Variants in HDAC5 observed in about 807,000 individuals in gnomAD.
The protein encoded by HDAC5 is antigen NY-CO-9.
Under a neutral mutation model 133.3 loss-of-function variants are expected in HDAC5, and 25 were observed. That is an observed-to-expected ratio of 0.19 (90% CI 0.14 to 0.26). The LOEUF (loss-of-function observed/expected upper bound fraction) is 0.26. HDAC5 is among the 10% of genes least tolerant of loss of function. The pLI is 1.00. For synonymous variants in HDAC5, 589 were observed against 610.8 expected (o/e 0.96, Z 0.53); for missense variants, 1,041 against 1,460.5 (o/e 0.71, Z 4.68).
rs752650577 is a variant in HDAC5 at position 44,078,504 on chromosome 17, G to A, written c.3325C>T (p.Pro1109Ser). The change falls in exon 26 of 27, where the codon CCC becomes TCC. Residue 1109 changes from proline (P) to serine (S), a missense_variant. Transcript: ENST00000682912. ...AQAAAAREHS[P>S]RPAEEPMEQE... Reference sequence around the variant, plus strand: ...GTGGTGCGGGTTGCTGCTTACCTGGGGCTGTGTTCCCGGGCTGCCGCAGCC... The same window carrying A: ...GTGGTGCGGGTTGCTGCTTACCTGGAGCTGTGTTCCCGGGCTGCCGCAGCC... 3.7e-6 allele frequency: 6 copies of A among 1,607,208 alleles called. No homozygotes were observed. The African/African-American group carries it at 5.3e-5, about 14-fold the overall frequency.
intron 3 of HDAC5, among the ~76,000 whole-genome samples, chr17:44,108,763 A>AC (rs2052143311): frequency 3.7e-5 from 1 of 27,000 alleles, no homozygotes; most frequent in African/African-American, 6.0e-5. Context: ...AAAAAAAAAC[A>AC]AAAAAAAAAC....
At chr17:44,098,242 C>G (rs2051385526) in intron 3 of HDAC5, among the ~76,000 whole-genome samples, 2 of 152,240 alleles carry the variant, frequency 1.3e-5, no homozygotes, top group African/African-American at 2.4e-5. Flanking sequence ...TCTGTGCCCT[C>G]TGCCAGCCTG....
chr17:44,088,001 G>A (rs1306467669), intron 12 of HDAC5, among the ~76,000 whole-genome samples: 1 of 151,750 alleles, frequency 6.6e-6, no homozygotes, highest in African/African-American at 2.4e-5. Context: ...ACGCCACCAC[G>A]CCCAGCTAAT....
rs1181717908 is a variant in HDAC5 at position 44,088,395 on chromosome 17, G to A, written c.1591C>T (p.Leu531=). 5.2e-6 allele frequency: 8 copies of A among 1,551,530 alleles called. No homozygotes were observed. The highest frequency in any genetic ancestry group is 7.0e-6 in the Non-Finnish European group (8 of 1,148,412). ...CACCTTTCCAGGCTCACCTTGCCCA[G>A]CTGTAGCTGCTGCTGCTTCTGCTTC... ...LEKQKQQQLQ[L]GKILTKTGEL... The change falls in exon 12 of 27, where the codon CTG becomes TTG. Residue 531 remains leucine, a synonymous_variant. Coordinates refer to ENST00000682912, the MANE Select transcript of HDAC5 (RefSeq NM_005474.5).
intron 6 of HDAC5, 30 bp from the exon 7 acceptor site, chr17:44,092,836 C>T: frequency 1.2e-6 from 1 of 849,986 alleles, no homozygotes; most frequent in Non-Finnish European, 1.8e-6. Flanking sequence ...GGGATGGAAG[C>T]AGATCTAGGT....
chr17:44,080,889 G>C lies in HDAC5; in HGVS notation c.2608-7C>G. ...CATTGCCATGGTGAATGTCCTATGA[G>C]GGGAGGTAGAAGCATCGGGAAAATG... On this transcript the variant is annotated splice_region_variant and splice_polypyrimidine_tract_variant and intron_variant, in intron 20 of 26. Transcript: ENST00000682912. 6.2e-7 allele frequency: 1 copy of C among 1,614,148 alleles called. No individual in the cohort carries two copies. Among genetic ancestry groups the C allele is most frequent in the Non-Finnish European group, 8.5e-7 (1 of 1,179,994 alleles).
At chr17:44,123,413 G>GC (rs1282365303) in intron 1 of HDAC5, 91 bp downstream of exon 1, 3 of 351,720 alleles carry the variant, frequency 8.5e-6, no homozygotes, top group Non-Finnish European at 1.5e-5. Flanking sequence ...CGCGCTGGGA[G>GC]CCCGCGGACA....
chr17:44,120,588 C>T (rs1159784904), intron 1 of HDAC5: 1 of 152,176 alleles, frequency 6.6e-6, no homozygotes. Context: ...TAAAAAAATA[C>T]AAAATTGGCC....
chr17:44,115,254 CAA>C (rs1356786959), intron 2 of HDAC5, among the ~76,000 whole-genome samples: 1 of 152,194 alleles, frequency 6.6e-6, no homozygotes, highest in Non-Finnish European at 1.5e-5. Context: ...GAAAGAGGAG[CAA>C]GTGTTCAGGG....
At chr17:44,081,474 A>T (rs2143042621) in intron 20 of HDAC5, 1 of 151,856 alleles carries the variant, frequency 6.6e-6, no homozygotes, top group East Asian at 1.9e-4. Context: ...GCTGGTCTCA[A>T]ACTCCTGACC....
At chr17:44,079,023 G>A (rs1199580305) in intron 24 of HDAC5, 121 bp downstream of exon 24, 4 of 1,500,374 alleles carry the variant, frequency 2.7e-6, no homozygotes, top group South Asian at 1.2e-5. Context: ...AGAAAGCCTG[G>A]CCATTAGCTG....
intron 1 of HDAC5, among the ~76,000 whole-genome samples, chr17:44,118,302 A>C (rs2143648080): frequency 6.6e-6 from 1 of 152,332 alleles, no homozygotes; most frequent in South Asian, 2.1e-4. Flanking sequence ...AGACCTCTCC[A>C]TCCCAAATCT....
intron 24 of HDAC5, 111 bp downstream of exon 24, chr17:44,079,033 G>A (rs2050253190): frequency 2.0e-6 from 3 of 1,511,748 alleles, no homozygotes; most frequent in Middle Eastern, 3.5e-4. Flanking sequence ...GCCATTAGCT[G>A]TTCCTTAGGA....
chr17:44,102,614 CT>C (rs2051682204), intron 3 of HDAC5, among the ~76,000 whole-genome samples: 1 of 151,886 alleles, frequency 6.6e-6, no homozygotes, highest in Non-Finnish European at 1.5e-5. Context: ...CTGCCTCGGC[CT>C]CCCAAAGTGT....
chr17:44,108,269 G>A (rs1045010438), intron 3 of HDAC5, among the ~76,000 whole-genome samples: 3 of 152,132 alleles, frequency 2.0e-5, no homozygotes, highest in African/African-American at 7.2e-5. Context: ...CACTAAAGCT[G>A]TCTCTATTCA....
At chr17:44,087,359 G>A in intron 13 of HDAC5, 53 bp downstream of exon 13, 1 of 721,634 alleles carries the variant, frequency 1.4e-6, no homozygotes, top group Non-Finnish European at 2.6e-6. Flanking sequence ...AGGCAGGGGT[G>A]GAGAAGGACA....
At chr17:44,085,230 C>T in intron 14 of HDAC5, 75 bp from the exon 15 acceptor site, 6 of 1,418,972 alleles carry the variant, frequency 4.2e-6, no homozygotes, top group Non-Finnish European at 5.7e-6. Context: ...TGATCCTCAG[C>T]AGGGCTCATG....
chr17:44,084,529 G>A (rs1231639454), intron 16 of HDAC5, 26 bp downstream of exon 16: 2 of 1,612,546 alleles, frequency 1.2e-6, no homozygotes, highest in Non-Finnish European at 8.5e-7. Flanking sequence ...GAACATGCCT[G>A]CCCGCCCACC....
chr17:44,099,902 C>G (rs1404187444), intron 3 of HDAC5, among the ~76,000 whole-genome samples: 4 of 152,204 alleles, frequency 2.6e-5, no homozygotes, highest in Non-Finnish European at 5.9e-5. Context: ...CACTTCTTTC[C>G]CATCCCGCTG....
Sources: allele counts gnomAD v4.1 joint callset (sites outside exome capture counted in the v4.1 genomes callset), GRCh38; gene constraint gnomAD v4.1.1; transcripts MANE v1.5; gene names NCBI Gene and HGNC (gene_info 2026-07-23, HGNC 2026-07-21).